ASIC2: variants seen among roughly 807,000 people sequenced by gnomAD.
The protein encoded by ASIC2 is acid-sensing ion channel 2.
A neutral mutation model predicts 57.3 loss-of-function variants in ASIC2; 25 were observed. The observed-to-expected ratio is 0.44, with a 90% CI of 0.32 to 0.61. The LOEUF (loss-of-function observed/expected upper bound fraction) is 0.61, where lower values mean the gene tolerates loss of function less well. Ranked by LOEUF, ASIC2 falls within the 20% of genes least tolerant of loss-of-function variation. The pLI is 0.06. For synonymous variants in ASIC2, 319 were observed against 307.5 expected, an observed-to-expected ratio of 1.04 and a Z score of -0.39; for missense variants, 641 against 738.1, an observed-to-expected ratio of 0.87 and a Z score of 1.52.
intron 1 of ASIC2, among the ~76,000 whole-genome samples, chr17:33,585,798 A>G (rs924923302): frequency 1.3e-5 from 2 of 152,140 alleles, no homozygotes; most frequent in African/African-American, 4.8e-5. Context: ...TCTAATTTGT[A>G]GTTTTCTTAG....
intron 1 of ASIC2, among the ~76,000 whole-genome samples, chr17:33,990,059 G>A (rs763480553): frequency 6.6e-6 from 1 of 152,200 alleles, no homozygotes; most frequent in Non-Finnish European, 1.5e-5. Flanking sequence ...GTGCCTGAAT[G>A]CAAAAGAATG....
intron 1 of ASIC2, among the ~76,000 whole-genome samples, chr17:33,543,309 A>G (rs1056844991): frequency 6.6e-6 from 1 of 152,092 alleles, no homozygotes; most frequent in Non-Finnish European, 1.5e-5. Context: ...AAACAAAAAA[A>G]ACAAATCAAT....
intron 1 of ASIC2, among the ~76,000 whole-genome samples, chr17:33,662,730 CTCCCTCCT>C (rs1014387024): frequency 6.7e-6 from 1 of 150,220 alleles, no homozygotes; most frequent in African/African-American, 2.4e-5. Context: ...CCCTCCCTCC[CTCCCTCCT>C]TCCCTCCCTT....
chr17:33,235,600 C>T (rs1403232006), intron 1 of ASIC2, among the ~76,000 whole-genome samples: 1 of 152,150 alleles, frequency 6.6e-6, no homozygotes, highest in Non-Finnish European at 1.5e-5. Context: ...AGATACCAGC[C>T]GGGCTTCTCA....
At chr17:33,162,301 G>A (rs897186560) in intron 1 of ASIC2, among the ~76,000 whole-genome samples, 2 of 152,168 alleles carry the variant, frequency 1.3e-5, no homozygotes, top group African/African-American at 4.8e-5. Flanking sequence ...AGGTGAATAA[G>A]GGATGCTCAG....
At chr17:33,170,153 T>C (rs1905456086) in intron 1 of ASIC2, among the ~76,000 whole-genome samples, 1 of 152,152 alleles carries the variant, frequency 6.6e-6, no homozygotes, top group African/African-American at 2.4e-5. Context: ...TTTTGGTAAA[T>C]TTTTCTCAAG....
intron 1 of ASIC2, among the ~76,000 whole-genome samples, chr17:33,643,152 C>CG (rs1567677628): frequency 1.8e-4 from 27 of 150,516 alleles, no homozygotes; most frequent in Admixed American, 3.3e-4. Flanking sequence ...TCATTTCCCC[C>CG]CCCCCACATT....
intron 1 of ASIC2, among the ~76,000 whole-genome samples, chr17:33,895,150 T>C (rs1007586573): frequency 2.1e-5 from 3 of 143,176 alleles, no homozygotes; most frequent in African/African-American, 7.9e-5. Flanking sequence ...TGGCAAGCAT[T>C]GAAGTTTTTT....
chr17:33,830,394 A>G (rs1389134939), intron 1 of ASIC2, among the ~76,000 whole-genome samples: 2 of 152,186 alleles, frequency 1.3e-5, no homozygotes, highest in East Asian at 3.9e-4. Flanking sequence ...TCTTGGCATG[A>G]GCATGATGTT....
chr17:33,786,647 T>C (rs1028158459), intron 1 of ASIC2, among the ~76,000 whole-genome samples: 13 of 152,192 alleles, frequency 8.5e-5, no homozygotes, highest in African/African-American at 2.4e-4. Flanking sequence ...AAAGGAAATC[T>C]TCATTACTCA....
At chr17:34,132,598 GT>G (rs1049680470) in intron 1 of ASIC2, among the ~76,000 whole-genome samples, 1 of 70,498 alleles carries the variant, frequency 1.4e-5, no homozygotes, top group Non-Finnish European at 4.2e-5. Flanking sequence ...TGATTGGTGC[GT>G]TTTACAGAGC....
At chr17:33,507,411 G>A (rs1434240940) in intron 1 of ASIC2, among the ~76,000 whole-genome samples, 1 of 152,114 alleles carries the variant, frequency 6.6e-6, no homozygotes, top group Non-Finnish European at 1.5e-5. Context: ...TTGTTTCCCA[G>A]GCTGATATTT....
chr17:33,554,137 G>T (rs148991470), intron 1 of ASIC2, among the ~76,000 whole-genome samples: 42 of 152,320 alleles, frequency 2.8e-4, no homozygotes, highest in African/African-American at 8.4e-4. Flanking sequence ...TTGCAAATTG[G>T]TCGGTGATGT....
At chr17:33,582,965 G>A (rs139177962) in intron 1 of ASIC2, among the ~76,000 whole-genome samples, 4 of 149,348 alleles carry the variant, frequency 2.7e-5, no homozygotes, top group Admixed American at 6.6e-5. Flanking sequence ...AGCAAATAAC[G>A]TTACTAATGC....
intron 1 of ASIC2, among the ~76,000 whole-genome samples, chr17:33,310,833 G>GAGAT (rs937747742): frequency 6.6e-6 from 1 of 152,206 alleles, no homozygotes; most frequent in African/African-American, 2.4e-5. Flanking sequence ...ATATAGGTAA[G>GAGAT]AGATAGAGAT....
At chr17:33,859,627 C>A (rs962037951) in intron 1 of ASIC2, among the ~76,000 whole-genome samples, 1 of 152,124 alleles carries the variant, frequency 6.6e-6, no homozygotes, top group East Asian at 1.9e-4. Context: ...TCAACAAAAG[C>A]GCTGGAGCTG....
chr17:34,037,752 T>C (rs374050263), intron 1 of ASIC2: 42 of 1,614,060 alleles, frequency 2.6e-5, no homozygotes, highest in Admixed American at 1.3e-4. Flanking sequence ...TGGACATCAA[T>C]GCGGTCCTCC....
chr17:33,072,424 G>A lies in ASIC2; in HGVS notation c.987+16439C>T, dbSNP rs1193286404. Among the ~76,000 whole-genome samples, 6 of 152,082 alleles carry A rather than the reference G, an allele frequency of 3.9e-5. No homozygotes were observed. The East Asian group carries it at 7.7e-4, about 20-fold the overall frequency. ...GCCTCCACTGCCATCATTCGTCCAG[G>A]CCATCTCAATAACAGGCTAATTTTA... On this transcript the variant is annotated intron_variant, in intron 3 of 9. Transcript: ENST00000225823.
At chr17:33,689,887 G>A (rs1319508600) in intron 1 of ASIC2, among the ~76,000 whole-genome samples, 1 of 152,226 alleles carries the variant, frequency 6.6e-6, no homozygotes. Context: ...ACAACCACCA[G>A]AAGCTGGAAA....
Sources: gnomAD v4.1 joint callset for allele counts (sites outside exome capture counted in the v4.1 genomes callset) on GRCh38, gnomAD v4.1.1 for gene constraint, MANE v1.5 for transcripts, NCBI Gene and HGNC (gene_info 2026-07-23, HGNC 2026-07-21) for gene names.